CLCA4: variants seen among roughly 807,000 people sequenced by gnomAD.
CLCA4 encodes calcium-activated chloride channel regulator 4.
CLCA4 carries 69 observed loss-of-function variants against 78.9 expected under a neutral mutation model. The ratio of observed to expected loss-of-function variants is 0.87; its 90% CI spans 0.72 to 1.07. CLCA4 has a LOEUF of 1.07. Ranked by LOEUF, CLCA4 falls within the 50% of genes least tolerant of loss-of-function variation. The probability of loss-of-function intolerance (pLI) is 0.00; values close to 1 mark genes in which losing one functional copy is unlikely to be tolerated. For missense variants in CLCA4, 1,133 were observed against 1,095.8 expected, an observed-to-expected ratio of 1.03 and a Z score of -0.48; for synonymous variants, 362 against 375.8, an observed-to-expected ratio of 0.96 and a Z score of 0.42.
intron 12 of CLCA4, among the ~76,000 whole-genome samples, chr1:86,578,552 A>C (rs1452019690): frequency 6.6e-6 from 1 of 152,036 alleles, no homozygotes; most frequent in Admixed American, 6.6e-5. Flanking sequence ...GAGAACACGC[A>C]GTATTTTGGT....
chr1:86,564,326 T>G (rs1315071781), intron 4 of CLCA4, among the ~76,000 whole-genome samples: 2 of 152,170 alleles, frequency 1.3e-5, no homozygotes, highest in Admixed American at 6.6e-5. Flanking sequence ...GATGTCCTGC[T>G]GGGGCGTGGG....
chr1:86,569,349 T>C (rs111523658), intron 7 of CLCA4, among the ~76,000 whole-genome samples: 148 of 152,086 alleles, frequency 9.7e-4, no homozygotes, highest in African/African-American at 3.3e-3. Flanking sequence ...TAAGAAATTA[T>C]AGAAGCTAGT....
At chr1:86,555,194 A>C (rs1375861046) in intron 1 of CLCA4, among the ~76,000 whole-genome samples, 1 of 152,154 alleles carries the variant, frequency 6.6e-6, no homozygotes, top group Non-Finnish European at 1.5e-5. Flanking sequence ...TTTGCTGTGC[A>C]CAAGCTCTTA....
chr1:86,563,153 A>G (rs1650074342), intron 3 of CLCA4, among the ~76,000 whole-genome samples: 4 of 151,414 alleles, frequency 2.6e-5, no homozygotes, highest in Admixed American at 2.6e-4. Context: ...TTTTATTTGA[A>G]CTCCCTCTCT....
intron 1 of CLCA4, among the ~76,000 whole-genome samples, chr1:86,550,859 T>A (rs1649634720): frequency 6.8e-6 from 1 of 146,274 alleles, no homozygotes; most frequent in Non-Finnish European, 1.5e-5. Context: ...TGAGACAGAA[T>A]CTCGATCTGT....
intron 9 of CLCA4, among the ~76,000 whole-genome samples, chr1:86,574,080 C>T (rs1378131484): frequency 6.6e-6 from 1 of 152,042 alleles, no homozygotes; most frequent in Non-Finnish European, 1.5e-5. Context: ...CAGCTATCAA[C>T]AAAAAGTTGA....
chr1:86,561,221 G>T (rs1419788979), intron 3 of CLCA4, among the ~76,000 whole-genome samples: 1 of 152,080 alleles, frequency 6.6e-6, no homozygotes, highest in Admixed American at 6.5e-5. Context: ...TCCTGACCAC[G>T]TTTGTTTTCC....
At chr1:86,553,556 A>T (rs1180518135) in intron 1 of CLCA4, among the ~76,000 whole-genome samples, 1 of 152,136 alleles carries the variant, frequency 6.6e-6, no homozygotes, top group African/African-American at 2.4e-5. Context: ...CTCAGGGAGG[A>T]GCGCCCGCCA....
chr1:86,580,147 A>G lies in CLCA4; in HGVS notation c.2562A>G (p.Thr854=), dbSNP rs746118016. The change falls in exon 14 of 14, where the codon ACA becomes ACG. Residue 854 remains threonine, a synonymous_variant. Transcript: ENST00000370563. ...AAAGTATAGATAAAAGCAATTTGAC[A>G]TCAAAAGTATCCAACATTGCACAAG... ...AIKSIDKSNL[T]SKVSNIAQVT... 16 of 1,612,870 alleles carry G rather than the reference A, an allele frequency of 9.9e-6. No homozygotes were observed. In the East Asian group the frequency reaches 3.3e-4, roughly 34 times the overall value.
intron 4 of CLCA4, among the ~76,000 whole-genome samples, chr1:86,565,064 C>A (rs76950574): frequency 0.041 from 6,164 of 152,006 alleles, 405 homozygotes; most frequent in African/African-American, 0.14. Flanking sequence ...TATCTGGAGG[C>A]CCCACTTAAA....
chr1:86,565,307 T>G lies in CLCA4; in HGVS notation c.591T>G (p.Val197=), dbSNP rs1650145563. The change falls in exon 5 of 14, where the codon GTT becomes GTG. Residue 197 remains valine, a synonymous_variant. Coordinates refer to ENST00000370563, the MANE Select transcript of CLCA4 (RefSeq NM_012128.4). ...CSAGISGRNR[V]YKCQGGSCLS... is the part of the protein sequence containing the mutation. ...CAGGTATCTCTGGTAGAAATAGAGT[T>G]TATAAGTGTCAAGGAGGCAGCTGTC... The G allele has an allele frequency of 1.9e-6, 3 of 1,607,574 alleles. No homozygotes were observed. The African/African-American group carries it at 4.0e-5, about 22-fold the overall frequency.
chr1:86,563,352 T>C (rs1650080317), intron 3 of CLCA4, among the ~76,000 whole-genome samples: 1 of 151,864 alleles, frequency 6.6e-6, no homozygotes. Flanking sequence ...CCATAAACCA[T>C]TGTACTAAGA....
Position 86,567,631 on chromosome 1 carries a change from G to T in CLCA4, c.1162G>T (p.Gly388Ter), listed in dbSNP as rs1270757808. The T allele has an allele frequency of 6.2e-7, 1 of 1,610,506 alleles. No homozygotes were observed. The highest frequency in any genetic ancestry group is 8.5e-7 in the Non-Finnish European group (1 of 1,178,264). Residue 388 changes from glycine to a stop codon, truncating the protein, a stop_gained, in exon 7 of 14, where the codon GGA (glycine) becomes TGA (stop). Coordinates refer to ENST00000370563, the MANE Select transcript of CLCA4 (RefSeq NM_012128.4). LOFTEE classifies it high-confidence loss of function. Reference sequence around the variant, plus strand: ...TCTGGGAGGAACTTCCATCTGCTCTGGAATTAAATATGCATTTCAGGTGAA... The same window carrying T: ...TCTGGGAGGAACTTCCATCTGCTCTTGAATTAAATATGCATTTCAGGTGAA... Reference protein sequence around the residue: ...YPLGGTSICSGIKYAFQVIGE... With the variant: ...YPLGGTSICS
At chr1:86,569,156 G>A (rs756147103) in intron 7 of CLCA4, among the ~76,000 whole-genome samples, 2 of 152,140 alleles carry the variant, frequency 1.3e-5, no homozygotes, top group Non-Finnish European at 2.9e-5. Flanking sequence ...AGATTATGTA[G>A]ATAGTGTTGT....
intron 1 of CLCA4, among the ~76,000 whole-genome samples, chr1:86,547,490 C>T (rs2101784354): frequency 6.6e-6 from 1 of 152,262 alleles, no homozygotes; most frequent in South Asian, 2.1e-4. Flanking sequence ...TCTCTTCTAG[C>T]TACTTTGAAA....
intron 8 of CLCA4, 138 bp from the exon 9 acceptor site, chr1:86,572,476 G>A: frequency 1.7e-6 from 1 of 581,880 alleles, no homozygotes; most frequent in East Asian, 2.9e-5. Context: ...GAATTAACCT[G>A]TACAACTATG....
At position 86,580,420 on chromosome 1, in the gene CLCA4, T is replaced by A; in HGVS notation, c.*75T>A. The A allele has an allele frequency of 8.6e-7, 1 of 1,160,346 alleles. No individual in the cohort carries two copies. Among genetic ancestry groups the A allele is most frequent in the Non-Finnish European group, 1.2e-6 (1 of 856,174 alleles). 71.9% of individuals were successfully genotyped at this position (1,160,346 alleles called of 1,614,324 possible). On this transcript the variant is annotated 3_prime_UTR_variant, in exon 14 of 14. Transcript: ENST00000370563. ...AAAACAAAACAATGTAAGTAAAGGA[T>A]ATTTCTGAATCTTAAAATTCATCCC...
Position 86,571,093 on chromosome 1 carries a change from A to C in CLCA4, c.1199A>C (p.His400Pro), listed in dbSNP as rs1558194278. ...KYAFQVIGELHSQLDGSEVLL... is the reference protein window; with the variant it reads ...KYAFQVIGELPSQLDGSEVLL... ...TGTTTGCAGGTGATTGGAGAGCTACATTCCCAACTCGATGGATCCGAAGTA... is the reference window on the plus strand; with the variant it reads ...TGTTTGCAGGTGATTGGAGAGCTACCTTCCCAACTCGATGGATCCGAAGTA... Residue 400 changes from histidine (H) to proline (P), a missense_variant, in exon 8 of 14, where the codon CAT becomes CCT. By Grantham distance (77) the His-to-Pro change is moderately conservative. Coordinates refer to ENST00000370563, the MANE Select transcript of CLCA4 (RefSeq NM_012128.4). 6.2e-7 allele frequency: 1 copy of C among 1,611,400 alleles called. No individual in the cohort carries two copies.
At chr1:86,554,553 C>G (rs954554666) in intron 1 of CLCA4, among the ~76,000 whole-genome samples, 3 of 152,168 alleles carry the variant, frequency 2.0e-5, no homozygotes, top group Non-Finnish European at 4.4e-5. Flanking sequence ...GTGTGAGCCA[C>G]CATGCCCGGC....
Sources: gnomAD v4.1 joint callset for allele counts (sites outside exome capture counted in the v4.1 genomes callset) on GRCh38, gnomAD v4.1.1 for gene constraint, MANE v1.5 for transcripts, NCBI Gene and HGNC (gene_info 2026-07-23, HGNC 2026-07-21) for gene names.